The following ZIM2 variants were observed in gnomAD, a reference collection of about 807,000 sequenced individuals.
ZIM2 encodes zinc finger imprinted 2.
In ZIM2, 14 loss-of-function variants were observed where a neutral mutation model predicts 38.6. The ratio of observed to expected loss-of-function variants is 0.36; its 90% CI spans 0.24 to 0.57. The LOEUF is 0.57. Among genes scored for constraint, ZIM2 ranks in the 20% least tolerant of loss-of-function variants. ZIM2 has a pLI of 0.81. For missense variants in ZIM2, 680 were observed against 695.1 expected, an observed-to-expected ratio of 0.98 and a Z score of 0.24; for synonymous variants, 247 against 245.8, an observed-to-expected ratio of 1.00 and a Z score of -0.04.
chr19:56,780,934 G>T (rs1418425178), intron 11 of ZIM2, among the ~76,000 whole-genome samples: 1 of 152,130 alleles, frequency 6.6e-6, no homozygotes, highest in Non-Finnish European at 1.5e-5. Context: ...AATGTCCCAG[G>T]TGATATATAA....
chr19:56,813,983 T>C, intron 9 of ZIM2: 1 of 1,614,100 alleles, frequency 6.2e-7, no homozygotes, highest in Non-Finnish European at 8.5e-7. Context: ...GGGTCTTCAA[T>C]TCCCACACCG....
intron 9 of ZIM2, chr19:56,812,167 A>G: frequency 1.0e-6 from 1 of 963,506 alleles, no homozygotes. Context: ...ACTCAAGGCC[A>G]AAAAAAATTT....
intron 2 of ZIM2, among the ~76,000 whole-genome samples, chr19:56,830,918 C>G (rs1182099738): frequency 6.6e-6 from 1 of 151,510 alleles, no homozygotes; most frequent in Non-Finnish European, 1.5e-5. Flanking sequence ...CAGAACTAGA[C>G]TGAATCACCA....
chr19:56,780,405 G>A (rs2046269880), intron 11 of ZIM2, among the ~76,000 whole-genome samples: 1 of 151,926 alleles, frequency 6.6e-6, no homozygotes, highest in African/African-American at 2.4e-5. Context: ...ACCATACCCA[G>A]CTAATTTTTC....
chr19:56,780,685 T>C (rs2046289652), intron 11 of ZIM2, among the ~76,000 whole-genome samples: 1 of 152,194 alleles, frequency 6.6e-6, no homozygotes, highest in South Asian at 2.1e-4. Context: ...CTAGCTTCTG[T>C]TGCCTATCTA....
At position 56,822,784 on chromosome 19, in the gene ZIM2, G is replaced by T. The variant is rs781557289; in HGVS notation, c.159C>A (p.Asp53Glu). ...TTGGGTTCCTGGTGTGGGACCAGCG[G>T]TCTCGTGGCTCCATGTCTCTGCTTC... The part of the protein sequence containing the change: ...RGRSRDMEPR[D>E]RWSHTRNPRS... The change falls in exon 6 of 13, where the codon GAC (aspartate) becomes GAA (glutamate). Residue 53 changes from aspartate (D) to glutamate (E), a missense_variant. Asp to Glu is a conservative substitution (Grantham distance 45). Coordinates refer to ENST00000629319, the MANE Select transcript of ZIM2 (RefSeq NM_001387356.1). 1.9e-5 allele frequency: 31 copies of T among 1,614,058 alleles called. No homozygotes were observed. The East Asian group carries it at 6.7e-4, about 35-fold the overall frequency.
chr19:56,815,806 T>G (rs756709180), intron 9 of ZIM2: 2 of 1,613,516 alleles, frequency 1.2e-6, no homozygotes, highest in Admixed American at 1.7e-5. Flanking sequence ...ACAAGGGTTC[T>G]CTCTGGCAGG....
At chr19:56,815,409 G>A (rs1254104029) in intron 9 of ZIM2, 10 of 1,614,104 alleles carry the variant, frequency 6.2e-6, no homozygotes, top group Non-Finnish European at 8.5e-6. Context: ...GGTCAGTAGG[G>A]GCCAAGCTGC....
chr19:56,779,178 A>C (rs2046188164), intron 12 of ZIM2, among the ~76,000 whole-genome samples, 199 bp downstream of exon 12: 1 of 152,106 alleles, frequency 6.6e-6, no homozygotes, highest in South Asian at 2.1e-4. Context: ...GTGAAAGGAC[A>C]CTGGCCTCCC....
chr19:56,813,090 A>C (rs1035016711), intron 9 of ZIM2: 1 of 985,334 alleles, frequency 1.0e-6, no homozygotes, highest in Non-Finnish European at 1.2e-6. Flanking sequence ...GGTAAGAAAC[A>C]AAACAATTAC....
At chr19:56,804,052 C>G (rs1354335561) in intron 9 of ZIM2, among the ~76,000 whole-genome samples, 1 of 152,182 alleles carries the variant, frequency 6.6e-6, no homozygotes, top group Non-Finnish European at 1.5e-5. Context: ...GGGAGTCAAT[C>G]AAAAAGGTGG....
chr19:56,824,489 T>C (rs1371143138), intron 3 of ZIM2, 62 bp from the exon 4 acceptor site: 2 of 1,613,908 alleles, frequency 1.2e-6, no homozygotes, highest in Non-Finnish European at 1.7e-6. Flanking sequence ...CCCAACAAAT[T>C]CCACATAGAT....
intron 11 of ZIM2, 63 bp from the exon 12 acceptor site, chr19:56,779,535 C>T (rs747923232): frequency 4.3e-4 from 645 of 1,501,620 alleles, no homozygotes; most frequent in Non-Finnish European, 5.4e-4. Context: ...GTCCCAAAGA[C>T]TCTGGAATAA....
At chr19:56,811,989 G>C (rs723082) in intron 9 of ZIM2, 273,287 of 983,876 alleles carry the variant, frequency 0.28, 39,645 homozygotes, top group Admixed American at 0.32. Flanking sequence ...GACACTCCCT[G>C]CATCTTTGAC....
chr19:56,817,880 GAC>G, intron 8 of ZIM2, 42 bp from the exon 9 acceptor site: 1 of 1,474,598 alleles, frequency 6.8e-7, no homozygotes, highest in Non-Finnish European at 9.5e-7. Context: ...TCAAGTTGAG[GAC>G]CAAGACTCAT....
At chr19:56,836,126 G>A (rs984984105) in intron 1 of ZIM2, 22 bp from the exon 2 acceptor site, 4 of 457,200 alleles carry the variant, frequency 8.7e-6, no homozygotes, top group Admixed American at 4.7e-5. Context: ...AAGAAAATGT[G>A]AGACGCCAAG....
At chr19:56,776,838 C>T (rs780219868) in intron 12 of ZIM2, among the ~76,000 whole-genome samples, 4 of 151,718 alleles carry the variant, frequency 2.6e-5, no homozygotes, top group African/African-American at 4.8e-5. Context: ...GGAAGGGGGG[C>T]GAGTTTATAT....
intron 9 of ZIM2, among the ~76,000 whole-genome samples, chr19:56,795,564 T>G (rs1018921994): frequency 6.6e-6 from 1 of 152,206 alleles, no homozygotes. Flanking sequence ...CGCTCTGCGG[T>G]GGACGGGCTG....
rs572849601 is a variant in ZIM2, at chr19:56,832,840, C to A, written c.-227+3178G>T. On this transcript the variant is annotated intron_variant, in intron 2 of 12. Coordinates refer to ENST00000629319, the MANE Select transcript of ZIM2 (RefSeq NM_001387356.1). The stretch of plus-strand genomic sequence containing the variant: ...TGTATACAGAACAAGCCTGGCGCTG[C>A]CTGCTGCATGACAGCATTGCCATTG... 2.3e-3 allele frequency among the ~76,000 whole-genome samples: 356 copies of A among 152,340 alleles called. 3 individuals are homozygous for A. The highest frequency in any genetic ancestry group is 7.6e-3 in the African/African-American group (314 of 41,568).
Sources: gnomAD v4.1 joint callset for allele counts (sites outside exome capture counted in the v4.1 genomes callset) on GRCh38, gnomAD v4.1.1 for gene constraint, MANE v1.5 for transcripts, NCBI Gene and HGNC (gene_info 2026-07-23, HGNC 2026-07-21) for gene names.